IQUB: variants seen among roughly 807,000 people sequenced by gnomAD.
IQUB encodes IQ motif and ubiquitin-like domain-containing protein.
A neutral mutation model predicts 86.4 loss-of-function variants in IQUB; 86 were observed. That is an observed-to-expected ratio of 1.00 (90% CI 0.84 to 1.19). IQUB has a LOEUF of 1.19. Among genes scored for constraint, IQUB ranks in the 50% most tolerant of loss-of-function variants. IQUB has a pLI of 0.00. For missense variants in IQUB, 946 were observed against 916.9 expected (o/e 1.03, Z -0.41); for synonymous variants, 289 against 304.5 (o/e 0.95, Z 0.53).
chr7:123,491,538 C>T (rs1795462208), intron 7 of IQUB, among the ~76,000 whole-genome samples: 1 of 152,096 alleles, frequency 6.6e-6, no homozygotes, highest in Non-Finnish European at 1.5e-5. Context: ...AAAAGGATAA[C>T]ATGGAACATT....
chr7:123,509,044 A>T (rs1796306774), intron 3 of IQUB, among the ~76,000 whole-genome samples: 1 of 152,214 alleles, frequency 6.6e-6, no homozygotes, highest in Admixed American at 6.5e-5. Flanking sequence ...GAACACATGA[A>T]CATCTTACAT....
Position 123,452,714 on chromosome 7 carries a change from C to T in IQUB, c.*29G>A, listed in dbSNP as rs542606414. The T allele has an allele frequency of 2.1e-4, 321 of 1,544,804 alleles. 1 individual carries two copies. In the South Asian group the frequency reaches 3.2e-3, roughly 16 times the overall value. On this transcript the variant is annotated 3_prime_UTR_variant, in exon 13 of 13. Transcript: ENST00000324698. ...ACCCTATTAGCAGTGAACAAAATGC[C>T]GATCATCAAACAAATACTCCTGGAT...
intron 1 of IQUB, among the ~76,000 whole-genome samples, chr7:123,512,680 A>T (rs1476170176): frequency 6.6e-6 from 1 of 152,188 alleles, no homozygotes; most frequent in Non-Finnish European, 1.5e-5. Flanking sequence ...TCTGAATACG[A>T]AACTGATGGA....
At chr7:123,459,862 T>C (rs1793900987) in intron 11 of IQUB, 1 of 151,978 alleles carries the variant, frequency 6.6e-6, no homozygotes. Context: ...ACATCAAATT[T>C]ATTAACAAAA....
chr7:123,495,305 G>T (rs977501955), intron 7 of IQUB, among the ~76,000 whole-genome samples: 3 of 151,870 alleles, frequency 2.0e-5, no homozygotes, highest in African/African-American at 4.8e-5. Context: ...ACGTTACCAG[G>T]AAAATGAATT....
At chr7:123,501,618 G>A (rs1439010040) in intron 6 of IQUB, 1 of 152,176 alleles carries the variant, frequency 6.6e-6, no homozygotes, top group Non-Finnish European at 1.5e-5. Context: ...CTTTGACAGA[G>A]AGAAGCAGCC....
chr7:123,528,805 T>C (rs1406401955), intron 1 of IQUB, among the ~76,000 whole-genome samples: 1 of 152,126 alleles, frequency 6.6e-6, no homozygotes, highest in East Asian at 1.9e-4. Context: ...TAAAATAGAG[T>C]AAAAAATATT....
chr7:123,518,077 C>CT (rs1260333315), intron 1 of IQUB, among the ~76,000 whole-genome samples: 2 of 152,132 alleles, frequency 1.3e-5, no homozygotes, highest in African/African-American at 4.8e-5. Flanking sequence ...TAAATTATAT[C>CT]TAACAGTATA....
chr7:123,501,784 C>T (rs1795956826), intron 6 of IQUB: 1 of 152,198 alleles, frequency 6.6e-6, no homozygotes, highest in Middle Eastern at 3.2e-3. Context: ...TGCATTGAGA[C>T]AATCAGAATA....
At chr7:123,496,358 A>G (rs560686848) in intron 7 of IQUB, among the ~76,000 whole-genome samples, 2 of 152,266 alleles carry the variant, frequency 1.3e-5, no homozygotes, top group East Asian at 3.9e-4. Context: ...CTCAACTCTG[A>G]GTTCAAAATT....
At chr7:123,497,673 G>C (rs1795761634) in intron 6 of IQUB, among the ~76,000 whole-genome samples, 1 of 151,106 alleles carries the variant, frequency 6.6e-6, no homozygotes, top group Non-Finnish European at 1.5e-5. Context: ...TGATGATAGA[G>C]CTTATGCTGA....
intron 1 of IQUB, among the ~76,000 whole-genome samples, chr7:123,531,207 TAATAAA>T (rs1372648430): frequency 3.3e-5 from 5 of 152,118 alleles, no homozygotes; most frequent in South Asian, 2.1e-4. Context: ...AAAAACTTTA[TAATAAA>T]GAGAAATGTA....
rs149316783 is a variant in IQUB, at chr7:123,469,294, T to A, written c.1501A>T (p.Ile501Phe). 58 of 1,610,202 alleles carry A rather than the reference T, an allele frequency of 3.6e-5. No individual in the cohort carries two copies. The African/African-American group carries it at 7.3e-4, about 20-fold the overall frequency. ...FTIRARELQNIYKCIMLKNIS... is the reference protein window; with the variant it reads ...FTIRARELQNFYKCIMLKNIS... ...TTTTTCAGCATAATGCACTTATAGA[T>A]ATTTTGCAGCTCTCTGGCTCTGATG... Residue 501 changes from isoleucine (I) to phenylalanine (F), a missense_variant, in exon 9 of 13, where the codon ATC (isoleucine) becomes TTC (phenylalanine). Physicochemically the swap from Ile to Phe is conservative, Grantham distance 21. Coordinates refer to ENST00000324698, the MANE Select transcript of IQUB (RefSeq NM_178827.5).
At chr7:123,464,722 T>G (rs1191416866) in intron 10 of IQUB, 111 bp downstream of exon 10, 1 of 565,080 alleles carries the variant, frequency 1.8e-6, no homozygotes, top group East Asian at 3.2e-5. Context: ...TAAGATGGTA[T>G]TCCACATGGA....
intron 1 of IQUB, among the ~76,000 whole-genome samples, chr7:123,530,378 G>A (rs1403987888): frequency 6.6e-6 from 1 of 151,668 alleles, no homozygotes; most frequent in African/African-American, 2.4e-5. Context: ...GGAGGTTGCA[G>A]TGAGCTGAGA....
intron 7 of IQUB, among the ~76,000 whole-genome samples, chr7:123,492,654 C>T (rs1489487322): frequency 6.6e-6 from 1 of 152,160 alleles, no homozygotes; most frequent in Non-Finnish European, 1.5e-5. Context: ...CCTCACCTCT[C>T]AGTTCCTTTC....
At chr7:123,471,094 G>A (rs1794501763) in intron 8 of IQUB, among the ~76,000 whole-genome samples, 1 of 152,024 alleles carries the variant, frequency 6.6e-6, no homozygotes, top group South Asian at 2.1e-4. Flanking sequence ...TAGATTCTCA[G>A]CTCCAGTTTC....
chr7:123,464,556 G>A (rs1014273137), intron 10 of IQUB, among the ~76,000 whole-genome samples: 5 of 151,854 alleles, frequency 3.3e-5, no homozygotes, highest in East Asian at 1.9e-4. Context: ...CCATGGAGGC[G>A]TGAGAAATCA....
intron 8 of IQUB, among the ~76,000 whole-genome samples, chr7:123,476,220 G>T (rs1028914744): frequency 2.6e-5 from 4 of 152,192 alleles, no homozygotes; most frequent in Non-Finnish European, 5.9e-5. Flanking sequence ...TACAAAGACA[G>T]AGATGAGACA....
Sources: allele counts gnomAD v4.1 joint callset (sites outside exome capture counted in the v4.1 genomes callset), GRCh38; gene constraint gnomAD v4.1.1; transcripts MANE v1.5; gene names NCBI Gene and HGNC (gene_info 2026-07-23, HGNC 2026-07-21).